Variants in OLFM3 observed in about 807,000 individuals in gnomAD.
OLFM3 encodes the protein noelin-3.
In OLFM3, 20 loss-of-function variants were observed where a neutral mutation model predicts 48.6. That is an observed-to-expected ratio of 0.41 (90% CI 0.29 to 0.60). OLFM3 has a LOEUF of 0.60. OLFM3 is among the 20% of genes least tolerant of loss of function. The probability of loss-of-function intolerance (pLI) is 0.28; values close to 1 mark genes in which losing one functional copy is unlikely to be tolerated. For synonymous variants in OLFM3, 222 were observed against 198.1 expected, an observed-to-expected ratio of 1.12 and a Z score of -1.01; for missense variants, 437 against 544.3, an observed-to-expected ratio of 0.80 and a Z score of 1.96.
At chr1:101,847,044 G>A in intron 1 of OLFM3, 1 of 1,539,922 alleles carries the variant, frequency 6.5e-7, no homozygotes, top group East Asian at 2.3e-5. Flanking sequence ...CGGGAGGCGT[G>A]ACTGCAGCGC....
At chr1:101,815,839 T>G (rs532339383) in intron 4 of OLFM3, among the ~76,000 whole-genome samples, 4 of 152,258 alleles carry the variant, frequency 2.6e-5, no homozygotes, top group Non-Finnish European at 5.9e-5. Flanking sequence ...CAAAACAGTT[T>G]TGATGGTTTT....
intron 1 of OLFM3, among the ~76,000 whole-genome samples, chr1:101,921,523 T>G (rs967444646): frequency 6.6e-6 from 1 of 152,142 alleles, no homozygotes; most frequent in Non-Finnish European, 1.5e-5. Context: ...GGTGCTAGAA[T>G]CCTTGGAGAA....
chr1:101,809,066 A>G (rs980571755), intron 4 of OLFM3, among the ~76,000 whole-genome samples: 1 of 151,690 alleles, frequency 6.6e-6, no homozygotes, highest in Non-Finnish European at 1.5e-5. Flanking sequence ...AAAATAAGAG[A>G]AAAAATATGG....
chr1:101,968,533 G>GAAAA (rs3082438), intron 1 of OLFM3, among the ~76,000 whole-genome samples: 6,254 of 118,302 alleles, frequency 0.053, 477 homozygotes, highest in East Asian at 0.3. Context: ...TTTTTGTTCT[G>GAAAA]AAAAAAAAAA....
At chr1:101,898,070 T>C (rs1280869972) in intron 1 of OLFM3, among the ~76,000 whole-genome samples, 2 of 152,116 alleles carry the variant, frequency 1.3e-5, no homozygotes, top group East Asian at 1.9e-4. Flanking sequence ...ATAAGAAAAA[T>C]TTTTAAAAGA....
Position 101,946,144 on chromosome 1 carries a change from A to G in OLFM3, c.69+50604T>C, listed in dbSNP as rs114641911. ...TTAAGTTTGCAGATCACTGAGAAAT[A>G]CTGCAGAAGGTAAAAGAGAAAAGCA... is the stretch of plus-strand genomic sequence containing the variant. On this transcript the variant is annotated intron_variant, in intron 1 of 5. Coordinates refer to ENST00000370103, the MANE Select transcript of OLFM3 (RefSeq NM_058170.4). 6.4e-3 allele frequency among the ~76,000 whole-genome samples: 978 copies of G among 152,316 alleles called. 13 individuals are homozygous for G. Among genetic ancestry groups the G allele is most frequent in the African/African-American group, 0.023 (940 of 41,554 alleles).
intron 1 of OLFM3, among the ~76,000 whole-genome samples, chr1:101,845,120 T>C (rs1655926366): frequency 1.3e-5 from 2 of 152,112 alleles, no homozygotes; most frequent in Admixed American, 1.3e-4. Context: ...TGAAACCTTT[T>C]CTACATTTTC....
intron 1 of OLFM3, among the ~76,000 whole-genome samples, chr1:101,858,616 T>C (rs572248039): frequency 6.6e-6 from 1 of 152,018 alleles, no homozygotes; most frequent in East Asian, 1.9e-4. Context: ...AATCATGAGG[T>C]GAATTTCCCC....
At chr1:101,843,537 A>G (rs1655835354) in intron 1 of OLFM3, among the ~76,000 whole-genome samples, 1 of 152,232 alleles carries the variant, frequency 6.6e-6, no homozygotes, top group Non-Finnish European at 1.5e-5. Flanking sequence ...TAAAAAAGAA[A>G]GAAAACAGGG....
intron 1 of OLFM3, among the ~76,000 whole-genome samples, chr1:101,972,701 A>G (rs1481883953): frequency 6.6e-6 from 1 of 152,240 alleles, no homozygotes; most frequent in East Asian, 1.9e-4. Context: ...ATTCACAACT[A>G]TAAGAAACAA....
chr1:101,900,847 C>T (rs954463164), intron 1 of OLFM3, among the ~76,000 whole-genome samples: 2 of 151,982 alleles, frequency 1.3e-5, no homozygotes, highest in Admixed American at 6.6e-5. Context: ...TGAGAACATC[C>T]TAAAATATTA....
intron 1 of OLFM3, among the ~76,000 whole-genome samples, chr1:101,883,366 C>A (rs1168293286): frequency 2.0e-5 from 3 of 151,074 alleles, no homozygotes; most frequent in Non-Finnish European, 4.4e-5. Context: ...CATATATACA[C>A]ATATACAATT....
At chr1:101,905,358 A>C (rs763053821) in intron 1 of OLFM3, among the ~76,000 whole-genome samples, 2 of 152,178 alleles carry the variant, frequency 1.3e-5, no homozygotes, top group African/African-American at 4.8e-5. Flanking sequence ...GCAGCTATTG[A>C]ATAAAAATAT....
chr1:101,846,872 G>C, intron 1 of OLFM3: 1 of 1,612,492 alleles, frequency 6.2e-7, no homozygotes, highest in Non-Finnish European at 8.5e-7. Context: ...ACAGCCTCGT[G>C]GTGTTCAGTC....
intron 3 of OLFM3, among the ~76,000 whole-genome samples, chr1:101,828,084 C>CTCT: frequency 6.6e-6 from 1 of 151,858 alleles, no homozygotes; most frequent in Non-Finnish European, 1.5e-5. Context: ...CTCTCTCCTC[C>CTCT]TGCCTTGTGA....
intron 1 of OLFM3, among the ~76,000 whole-genome samples, chr1:101,961,111 A>T (rs1350514028): frequency 6.6e-6 from 1 of 152,138 alleles, no homozygotes; most frequent in Non-Finnish European, 1.5e-5. Context: ...AGGAATGCTT[A>T]TCTATAGAAC....
intron 1 of OLFM3, among the ~76,000 whole-genome samples, chr1:101,985,155 C>T (rs1178034544): frequency 1.3e-5 from 2 of 152,190 alleles, no homozygotes; most frequent in African/African-American, 4.8e-5. Flanking sequence ...TTTTGTCATC[C>T]TTGCTTCTTT....
At chr1:101,836,244 T>G (rs923477430) in intron 2 of OLFM3, among the ~76,000 whole-genome samples, 1 of 152,216 alleles carries the variant, frequency 6.6e-6, no homozygotes, top group Non-Finnish European at 1.5e-5. Flanking sequence ...GAACGATTCA[T>G]TGGTTTTCCT....
At chr1:101,908,477 A>G (rs1021418438) in intron 1 of OLFM3, among the ~76,000 whole-genome samples, 6 of 152,186 alleles carry the variant, frequency 3.9e-5, no homozygotes, top group East Asian at 1.9e-4. Flanking sequence ...GTGGTTCTCA[A>G]TGGAGCAATT....
Sources: allele counts gnomAD v4.1 joint callset (sites outside exome capture counted in the v4.1 genomes callset), GRCh38; gene constraint gnomAD v4.1.1; transcripts MANE v1.5; gene names NCBI Gene and HGNC (gene_info 2026-07-23, HGNC 2026-07-21).